DSCAM: variants seen among roughly 807,000 people sequenced by gnomAD.
The protein encoded by DSCAM is DS cell adhesion molecule.
In DSCAM, 47 loss-of-function variants were observed where a neutral mutation model predicts 217.7. That is an observed-to-expected ratio of 0.22 (90% CI 0.17 to 0.28). DSCAM has a LOEUF of 0.28. Ranked by LOEUF, DSCAM falls within the 10% of genes least tolerant of loss-of-function variation. The pLI, the probability that DSCAM is intolerant of heterozygous loss-of-function variation, is 1.00. For synonymous variants in DSCAM, 1,056 were observed against 1,015.3 expected, an observed-to-expected ratio of 1.04 and a Z score of -0.76; for missense variants, 2,080 against 2,618.3, an observed-to-expected ratio of 0.79 and a Z score of 4.49.
chr21:40,331,998 T>C (rs2074382584), intron 8 of DSCAM, among the ~76,000 whole-genome samples: 2 of 152,162 alleles, frequency 1.3e-5, no homozygotes, highest in South Asian at 4.1e-4. Context: ...TCCAAAGGCT[T>C]TCGCCAAGAC....
intron 3 of DSCAM, among the ~76,000 whole-genome samples, chr21:40,519,695 A>G (rs2076343021): frequency 1.3e-5 from 2 of 152,170 alleles, no homozygotes; most frequent in Admixed American, 1.3e-4. Context: ...AGACACCCAG[A>G]GGAGAAATTG....
intron 32 of DSCAM, among the ~76,000 whole-genome samples, chr21:40,039,167 TAATAAAG>T (rs2088692888): frequency 2.1e-5 from 3 of 143,976 alleles, no homozygotes; most frequent in Non-Finnish European, 4.7e-5. Flanking sequence ...TAAAGTATAA[TAATAAAG>T]AAAAGAAAAG....
intron 3 of DSCAM, among the ~76,000 whole-genome samples, chr21:40,510,988 A>G (rs1009944003): frequency 1.3e-5 from 2 of 152,230 alleles, no homozygotes; most frequent in Non-Finnish European, 2.9e-5. Flanking sequence ...TGAGAAAATC[A>G]TGTCATGTTT....
rs138675552 is a variant in DSCAM at position 40,040,988 on chromosome 21, G to T, written c.5686+1383C>A. The stretch of plus-strand genomic sequence containing the variant: ...AATAACAGCTTGTCTTTTCCCCTAA[G>T]GAGGTAGACAGAATGAAAATAAAGG... On this transcript the variant is annotated intron_variant, in intron 32 of 32. Transcript: ENST00000400454. Among the ~76,000 whole-genome samples, 114 of 152,198 alleles carry T rather than the reference G, an allele frequency of 7.5e-4. 1 individual carries two copies. In the East Asian group the frequency reaches 0.016, roughly 21 times the overall value.
intron 3 of DSCAM, among the ~76,000 whole-genome samples, chr21:40,409,017 G>A (rs1335676430): frequency 6.6e-6 from 1 of 151,988 alleles, no homozygotes; most frequent in African/African-American, 2.4e-5. Context: ...ATATTTATTT[G>A]GATAACAATT....
At chr21:40,584,030 G>C (rs2076925316) in intron 3 of DSCAM, among the ~76,000 whole-genome samples, 1 of 152,042 alleles carries the variant, frequency 6.6e-6, no homozygotes, top group African/African-American at 2.4e-5. Flanking sequence ...CAGTGTGCTT[G>C]GAACTATGCC....
At chr21:40,344,721 G>A (rs931961945) in intron 6 of DSCAM, among the ~76,000 whole-genome samples, 1 of 152,130 alleles carries the variant, frequency 6.6e-6, no homozygotes, top group African/African-American at 2.4e-5. Context: ...GTTTTCAGCA[G>A]CTTAACTCTG....
chr21:40,515,330 CCTTCCA>C (rs1397191723), intron 3 of DSCAM, among the ~76,000 whole-genome samples: 1 of 152,138 alleles, frequency 6.6e-6, no homozygotes, highest in Non-Finnish European at 1.5e-5. Context: ...CTGTAGCATA[CCTTCCA>C]CTTCCACTCA....
At chr21:40,376,462 T>TTA (rs1491292330) in intron 3 of DSCAM, among the ~76,000 whole-genome samples, 2 of 137,626 alleles carry the variant, frequency 1.5e-5, no homozygotes, top group Non-Finnish European at 3.1e-5. Context: ...TCTATATATC[T>TTA]TATATAGATA....
intron 1 of DSCAM, among the ~76,000 whole-genome samples, chr21:40,821,393 G>GCGCGCA (rs375566271): frequency 2.5e-4 from 37 of 146,236 alleles, no homozygotes; most frequent in South Asian, 8.8e-4. Flanking sequence ...ACACACGCGC[G>GCGCGCA]CACACACACA....
chr21:40,446,742 T>A (rs2075678197), intron 3 of DSCAM, among the ~76,000 whole-genome samples: 1 of 152,208 alleles, frequency 6.6e-6, no homozygotes, highest in African/African-American at 2.4e-5. Flanking sequence ...TACCATTAAA[T>A]AAACATATCT....
chr21:40,538,103 C>T (rs1270893454), intron 3 of DSCAM, among the ~76,000 whole-genome samples: 1 of 152,086 alleles, frequency 6.6e-6, no homozygotes. Flanking sequence ...AGAGCAGGGG[C>T]CACTCAGTTG....
intron 3 of DSCAM, among the ~76,000 whole-genome samples, chr21:40,413,201 G>T (rs1385440182): frequency 6.6e-6 from 1 of 152,186 alleles, no homozygotes; most frequent in Admixed American, 6.5e-5. Flanking sequence ...TGGGGTCAGA[G>T]TCCCCACACA....
chr21:40,595,589 C>T (rs2837740), intron 3 of DSCAM, among the ~76,000 whole-genome samples: 43,720 of 152,000 alleles, frequency 0.29, 6,453 homozygotes, highest in East Asian at 0.44. Flanking sequence ...GCCTCAGGAA[C>T]GGGAACACAA....
chr21:40,440,972 T>C (rs57049018), intron 3 of DSCAM, among the ~76,000 whole-genome samples: 111,962 of 152,112 alleles, frequency 0.74, 41,591 homozygotes, highest in Middle Eastern at 0.84. Context: ...CAGGCAAGTT[T>C]GGGGTCTGCA....
At chr21:40,032,682 C>G (rs2088550244) in intron 32 of DSCAM, among the ~76,000 whole-genome samples, 1 of 152,030 alleles carries the variant, frequency 6.6e-6, no homozygotes, top group South Asian at 2.1e-4. Flanking sequence ...ACTCTATGCT[C>G]CCCTTTGGGA....
intron 3 of DSCAM, among the ~76,000 whole-genome samples, chr21:40,540,897 G>A (rs2076538075): frequency 6.6e-6 from 1 of 151,868 alleles, no homozygotes; most frequent in Non-Finnish European, 1.5e-5. Context: ...TTTTGTTTGG[G>A]GTATTTTTTT....
chr21:40,789,949 C>T (rs1041722180), intron 1 of DSCAM, among the ~76,000 whole-genome samples: 1 of 152,122 alleles, frequency 6.6e-6, no homozygotes, highest in Non-Finnish European at 1.5e-5. Context: ...GGAAGCTTGA[C>T]CACACAAAGT....
At chr21:40,215,669 A>G (rs974974169) in intron 11 of DSCAM, among the ~76,000 whole-genome samples, 1 of 152,102 alleles carries the variant, frequency 6.6e-6, no homozygotes, top group Non-Finnish European at 1.5e-5. Context: ...GAGGGAGGTG[A>G]GGAATGAAAA....
Sources: allele counts gnomAD v4.1 joint callset (sites outside exome capture counted in the v4.1 genomes callset), GRCh38; gene constraint gnomAD v4.1.1; transcripts MANE v1.5; gene names NCBI Gene and HGNC (gene_info 2026-07-23, HGNC 2026-07-21).